The following PLCB2 variants were observed in gnomAD, a reference collection of about 807,000 sequenced individuals.
The protein encoded by PLCB2 is phospholipase C beta 2, also known as 1-phosphatidylinositol 4,5-bisphosphate phosphodiesterase beta-2.
In PLCB2, 115 loss-of-function variants were observed where a neutral mutation model predicts 141.7. The ratio of observed to expected loss-of-function variants is 0.81; its 90% CI spans 0.70 to 0.95. The LOEUF is 0.95. Among genes scored for constraint, PLCB2 ranks in the 40% least tolerant of loss-of-function variants. The probability of loss-of-function intolerance (pLI) is 0.00; values close to 1 mark genes in which losing one functional copy is unlikely to be tolerated. For missense variants in PLCB2, 1,403 were observed against 1,541.1 expected (o/e 0.91, Z 1.50); for synonymous variants, 603 against 595.6 (o/e 1.01, Z -0.18).
At chr15:40,302,243 G>A (rs775475205) in intron 5 of PLCB2, 27 bp downstream of exon 5, 8 of 1,614,054 alleles carry the variant, frequency 5.0e-6, no homozygotes, top group Non-Finnish European at 5.9e-6. Flanking sequence ...TCAGCACCAG[G>A]GCTCAGGCCA....
Position 40,298,272 on chromosome 15 carries a change from T to C in PLCB2, c.1106A>G (p.Glu369Gly). 6.3e-7 allele frequency: 1 copy of C among 1,598,498 alleles called. No homozygotes were observed. Among genetic ancestry groups the C allele is most frequent in the Non-Finnish European group, 8.5e-7 (1 of 1,170,620 alleles). ...GGTGAAGCCATGGGTGATAATGGGC[T>C]CCTCGTCAGGGGGTTTCCCCTTCCA... ...DCWKGKPPDEEPIITHGFTMT... is the reference protein window; with the variant it reads ...DCWKGKPPDEGPIITHGFTMT... Residue 369 changes from glutamate (E) to glycine (G), a missense_variant, in exon 11 of 32, where the codon GAG becomes GGG. By Grantham distance (98) the Glu-to-Gly change is moderately conservative. Transcript: ENST00000260402.
chr15:40,289,340 T>C lies in PLCB2; in HGVS notation c.3286A>G (p.Arg1096Gly). 2 of 1,613,856 alleles carry C rather than the reference T, an allele frequency of 1.2e-6. No individual in the cohort carries two copies. The highest frequency in any genetic ancestry group is 1.1e-5 in the South Asian group (1 of 91,070). The change falls in exon 31 of 32, where the codon AGG (arginine) becomes GGG (glycine). Residue 1096 changes from arginine (R) to glycine (G), a missense_variant. By Grantham distance (125) the Arg-to-Gly change is moderately radical. Transcript: ENST00000260402. ...VIKQMTENLE[R>G]HQEKLEEKQA... The stretch of plus-strand genomic sequence containing the variant: ...TTCTCCTCCAGCTTCTCCTGGTGCC[T>C]CTCCAAGTTCTCCGTCATCTGGGTG...
downstream of PLCB2, among the ~76,000 whole-genome samples, chr15:40,285,135 A>G (rs186624647): frequency 2.4e-3 from 358 of 152,292 alleles, 4 homozygotes; most frequent in African/African-American, 8.2e-3. Flanking sequence ...GGGGATGTCC[A>G]CCTTGAATTT....
chr15:40,293,833 A>G (rs2040057324), intron 19 of PLCB2, 109 bp from the exon 20 acceptor site: 4 of 1,084,720 alleles, frequency 3.7e-6, no homozygotes, highest in Non-Finnish European at 4.0e-6. Context: ...CTTGGGTGTT[A>G]TGAAGAACCT....
chr15:40,302,231 G>C, intron 5 of PLCB2, 39 bp downstream of exon 5: 1 of 1,613,778 alleles, frequency 6.2e-7, no homozygotes, highest in Non-Finnish European at 8.5e-7. Context: ...GGGCTGGCAT[G>C]CTCAGCACCA....
At chr15:40,285,991 G>A, downstream of PLCB2, 1 of 985,714 alleles carries the variant, frequency 1.0e-6, no homozygotes, top group Non-Finnish European at 1.2e-6. Context: ...GGAGCAGTTG[G>A]TTCCCATGGC....
Position 40,304,094 on chromosome 15 carries a change from G to A in PLCB2, c.85-16C>T, listed in dbSNP as rs930504913. 17 of 1,569,488 alleles carry A rather than the reference G, an allele frequency of 1.1e-5. No homozygotes were observed. Among genetic ancestry groups the A allele is most frequent in the Non-Finnish European group, 1.5e-5 (17 of 1,151,832 alleles). On this transcript the variant is annotated splice_polypyrimidine_tract_variant and intron_variant, in intron 1 of 31. Transcript: ENST00000260402. ...CTGTAGTTTCCTGCAGAGAGAAGGA[G>A]CCAGCACTCTGTTCCAAGACCTCAG...
chr15:40,303,348 C>G lies in PLCB2; in HGVS notation c.171G>C (p.Glu57Asp). The part of the protein sequence containing the change: ...LYWTYQSKEM[E>D]FLDITSIRDT... ...CCCGGATGCTGGTGATATCCAGAAA[C>G]TCCATCTCCTGGGGGCAGGGTGCGG... The change falls in exon 3 of 32, where the codon GAG (glutamate) becomes GAC (aspartate). Residue 57 changes from glutamate (E) to aspartate (D), a missense_variant. Physicochemically the swap from Glu to Asp is conservative, Grantham distance 45 (BLOSUM62 2). Around this residue, in one of 4 missense-constraint regions of PLCB2, gnomAD observed 975 missense variants for 1,141.1 expected, o/e 0.85. Transcript: ENST00000260402. 1.9e-6 allele frequency: 3 copies of G among 1,613,354 alleles called. No individual in the cohort carries two copies. Among genetic ancestry groups the G allele is most frequent in the Non-Finnish European group, 2.5e-6 (3 of 1,179,352 alleles).
At position 40,293,013 on chromosome 15, in the gene PLCB2, C is replaced by T. The variant is rs770848581; in HGVS notation, c.2239G>A (p.Glu747Lys). The T allele has an allele frequency of 2.5e-6, 4 of 1,600,244 alleles. No individual in the cohort carries two copies. Among genetic ancestry groups the T allele is most frequent in the South Asian group, 2.2e-5 (2 of 89,266 alleles). The change falls in exon 21 of 32, where the codon GAG (glutamate) becomes AAG (lysine). Residue 747 changes from glutamate to lysine, a missense_variant. Physicochemically the swap from Glu to Lys is moderately conservative, Grantham distance 56. Coordinates refer to ENST00000260402, the MANE Select transcript of PLCB2 (RefSeq NM_004573.3). The stretch of plus-strand genomic sequence containing the variant: ...ACAGCCACTCTGAGGGAGGCCAGCT[C>T]AGGCATCAAGATCTGGGGAGAGTTG... The part of the protein sequence containing the change: ...PFVFEKILMP[E>K]LASLRVAVME...
In PLCB2 at chr15:40,288,684, C is replaced by G; in HGVS notation, c.*31G>C. On this transcript the variant is annotated 3_prime_UTR_variant, in exon 32 of 32. Transcript: ENST00000260402. ...ACATCCCAGAGAAGGGGCTGAACCT[C>G]CTTGCTAAATGTCCCAGTGGGATGG... 1.3e-6 allele frequency: 2 copies of G among 1,542,020 alleles called. No homozygotes were observed. Among genetic ancestry groups the G allele is most frequent in the Non-Finnish European group, 1.8e-6 (2 of 1,139,494 alleles).
At chr15:40,289,420 C>T in intron 30 of PLCB2, 62 bp from the exon 31 acceptor site, 2 of 1,219,798 alleles carry the variant, frequency 1.6e-6, no homozygotes, top group Non-Finnish European at 1.2e-6. Context: ...GGTCAGAATC[C>T]AGCTGTAATC....
intron 24 of PLCB2, 96 bp downstream of exon 24, chr15:40,291,753 C>G: frequency 6.2e-7 from 1 of 1,603,216 alleles, no homozygotes; most frequent in Non-Finnish European, 8.5e-7. Flanking sequence ...GTGCCCCCTG[C>G]CCCGCACTTT....
intron 7 of PLCB2, chr15:40,301,539 G>T: frequency 1.4e-6 from 1 of 702,880 alleles, no homozygotes. Context: ...CCTCTCCCTC[G>T]ACACGCTGCA....
rs927290448 is a variant in PLCB2 at position 40,307,817 on chromosome 15, C to T, written c.-145G>A. The T allele has an allele frequency of 3.4e-6, 2 of 594,016 alleles. No homozygotes were observed. The highest frequency in any genetic ancestry group is 7.1e-5 in the Admixed American group (2 of 28,002). 36.8% of individuals were successfully genotyped at this position (594,016 alleles called of 1,614,324 possible). A position where few individuals can be genotyped will look rare whatever the true frequency, so the allele number is the denominator to read the frequency against. On this transcript the variant is annotated 5_prime_UTR_variant, in exon 1 of 32. Coordinates refer to ENST00000260402, the MANE Select transcript of PLCB2 (RefSeq NM_004573.3). ...TCCAGAAATCTAGTTGCTCTTATAG[C>T]CCCTGGGGTGGCCCTGGCTGAGTGC...
intron 21 of PLCB2, 26 bp from the exon 22 acceptor site, chr15:40,292,469 T>C: frequency 6.5e-7 from 1 of 1,548,456 alleles, no homozygotes; most frequent in Non-Finnish European, 8.9e-7. Context: ...GGGTAGGCAG[T>C]GAGCCAGAGC....
In PLCB2 at chr15:40,291,838, G is replaced by C; in HGVS notation, c.2602+11C>G. 3 of 1,614,094 alleles carry C rather than the reference G, an allele frequency of 1.9e-6. No individual in the cohort carries two copies. Among genetic ancestry groups the C allele is most frequent in the Non-Finnish European group, 2.5e-6 (3 of 1,179,976 alleles). On this transcript the variant is annotated intron_variant, in intron 24 of 31. Transcript: ENST00000260402. Reference sequence around the variant, plus strand: ...GGTGCCCCCAGTAGGTGTGCGGACCGAAGCTCATACCTGGTGACCCATTGC... The same window carrying C: ...GGTGCCCCCAGTAGGTGTGCGGACCCAAGCTCATACCTGGTGACCCATTGC...
intron 3 of PLCB2, among the ~76,000 whole-genome samples, chr15:40,302,842 G>A (rs955452817): frequency 2.6e-5 from 4 of 152,222 alleles, no homozygotes; most frequent in African/African-American, 2.4e-5. Context: ...CGGGGAGGCC[G>A]GCCTGGGAGT....
chr15:40,294,788 C>T (rs2040116668), intron 18 of PLCB2, 148 bp downstream of exon 18: 1 of 941,002 alleles, frequency 1.1e-6, no homozygotes, highest in Non-Finnish European at 1.6e-6. Context: ...TGCATTTCTA[C>T]CCCCAAATTC....
intron 9 of PLCB2, 27 bp downstream of exon 9, chr15:40,298,771 G>T: frequency 6.2e-7 from 1 of 1,610,490 alleles, no homozygotes; most frequent in South Asian, 1.1e-5. Flanking sequence ...AGGACCACAG[G>T]GGACAAGGGG....
Sources: allele counts gnomAD v4.1 joint callset (sites outside exome capture counted in the v4.1 genomes callset), GRCh38; gene constraint gnomAD v4.1.1; regional missense constraint gnomAD v4.1.1; transcripts MANE v1.5; gene names NCBI Gene and HGNC (gene_info 2026-07-23, HGNC 2026-07-21).